ST6GALNAC4: variants seen among roughly 807,000 people sequenced by gnomAD.
ST6GALNAC4 encodes the protein ST6 N-acetylgalactosaminide alpha-2,6-sialyltransferase 4, also known as alpha-N-acetyl-neuraminyl-2,3-beta-galactosyl-1,3-N-acetyl-galactosaminide alpha-2,6-sialyltransferase.
A neutral mutation model predicts 30.4 loss-of-function variants in ST6GALNAC4; 24 were observed. That is an observed-to-expected ratio of 0.79 (90% CI 0.57 to 1.11). The LOEUF is 1.11. Among genes scored for constraint, ST6GALNAC4 ranks in the 50% most tolerant of loss-of-function variants. The pLI is 0.00. For missense variants in ST6GALNAC4, 365 were observed against 430.1 expected, an observed-to-expected ratio of 0.85 and a Z score of 1.34; for synonymous variants, 156 against 179.7, an observed-to-expected ratio of 0.87 and a Z score of 1.05.
rs765180618 is a variant in ST6GALNAC4 at position 127,912,279 on chromosome 9, C to T, written c.600G>A (p.Thr200=). 42 of 1,607,852 alleles carry T rather than the reference C, an allele frequency of 2.6e-5. No homozygotes were observed. The highest frequency in any genetic ancestry group is 3.1e-5 in the Non-Finnish European group (37 of 1,176,052). The change falls in exon 4 of 6, where the codon ACG becomes ACA. Residue 200 remains threonine (T), a synonymous_variant. Transcript: ENST00000335791. ...AYCDQIFQDE[T]GKNRRQSGSF... is the part of the protein sequence containing the mutation. The stretch of plus-strand genomic sequence containing the variant: ...GGCCCCAGGCTCACCGGTTCTTGCC[C>T]GTCTCGTCCTGGAAGATCTGGTCGC...
chr9:127,908,636 C>T (rs1830994369), intron 5 of ST6GALNAC4, 55 bp from the exon 6 acceptor site: 2 of 1,447,184 alleles, frequency 1.4e-6, no homozygotes, highest in Admixed American at 2.2e-5. Context: ...CCTCCGGCCA[C>T]ACCCTGCCGC....
chr9:127,911,305 G>T (rs1831069208), intron 4 of ST6GALNAC4, among the ~76,000 whole-genome samples: 1 of 152,188 alleles, frequency 6.6e-6, no homozygotes, highest in African/African-American at 2.4e-5. Flanking sequence ...CAATTTTCTG[G>T]GGGATACACC....
chr9:127,909,845 G>A, intron 5 of ST6GALNAC4, 106 bp downstream of exon 5: 1 of 1,110,878 alleles, frequency 9.0e-7, no homozygotes, highest in Non-Finnish European at 1.3e-6. Context: ...CCACCATGAA[G>A]CCCACACTCC....
chr9:127,914,187 G>A (rs916649652), intron 3 of ST6GALNAC4, among the ~76,000 whole-genome samples: 4 of 151,944 alleles, frequency 2.6e-5, no homozygotes, highest in African/African-American at 4.8e-5. Flanking sequence ...CTGAGGTTGG[G>A]AGTTCGAGAC....
chr9:127,915,210 C>G (rs967868874), intron 2 of ST6GALNAC4, among the ~76,000 whole-genome samples: 5 of 152,228 alleles, frequency 3.3e-5, no homozygotes, highest in African/African-American at 1.2e-4. Flanking sequence ...CTCTCCATCC[C>G]TCTGGGCCTG....
At chr9:127,908,624 C>A (rs10760511) in intron 5 of ST6GALNAC4, 43 bp from the exon 6 acceptor site, 1,466,105 of 1,482,544 alleles carry the variant, frequency 0.99, 726,213 homozygotes, top group Non-Finnish European at 1. Context: ...AGAACCCACT[C>A]GCCTCCGGCC....
At chr9:127,913,639 CA>C (rs1248780547) in intron 3 of ST6GALNAC4, among the ~76,000 whole-genome samples, 1 of 151,122 alleles carries the variant, frequency 6.6e-6, no homozygotes, top group African/African-American at 2.4e-5. Flanking sequence ...AAAAAGAAAA[CA>C]ACATCTGGCC....
intron 3 of ST6GALNAC4, among the ~76,000 whole-genome samples, chr9:127,914,393 CAAAA>C (rs35168848): frequency 9.9e-6 from 1 of 101,286 alleles, no homozygotes. Context: ...AACTCCATCT[CAAAA>C]AAAAAAAAAA....
At position 127,912,622 on chromosome 9, in the gene ST6GALNAC4, A is replaced by T. The variant is rs781487214; in HGVS notation, c.257T>A (p.Leu86Gln). 8 of 1,604,336 alleles carry T rather than the reference A, an allele frequency of 5.0e-6. No homozygotes were observed. Among genetic ancestry groups the T allele is most frequent in the Non-Finnish European group, 6.8e-6 (8 of 1,178,342 alleles). The change falls in exon 4 of 6, where the codon CTG becomes CAG. Residue 86 changes from leucine to glutamine, a missense_variant. Coordinates refer to ENST00000335791, the MANE Select transcript of ST6GALNAC4 (RefSeq NM_175039.4). ...CAVVSSSGQM[L>Q]GSGLGAEIDS... ...GATCTCAGCACCCAGGCCTGAGCCC[A>T]GCATTTGGCCGGAGCTGGACACCAC...
intron 2 of ST6GALNAC4, among the ~76,000 whole-genome samples, chr9:127,915,492 C>A (rs1331190981): frequency 6.6e-6 from 1 of 152,194 alleles, no homozygotes; most frequent in Admixed American, 6.5e-5. Context: ...GAGCAAAGGT[C>A]ACTCAAGAAA....
intron 2 of ST6GALNAC4, among the ~76,000 whole-genome samples, chr9:127,915,622 G>C (rs1831178971): frequency 6.6e-6 from 1 of 152,214 alleles, no homozygotes; most frequent in Admixed American, 6.5e-5. Context: ...CCTGGGGCTG[G>C]TCCTGCTGGC....
intron 3 of ST6GALNAC4, among the ~76,000 whole-genome samples, chr9:127,914,448 G>A (rs1169820813): frequency 1.7e-5 from 2 of 114,578 alleles, no homozygotes; most frequent in Admixed American, 1.2e-4. Flanking sequence ...CCGAGATCGC[G>A]CCACTGCACT....
At chr9:127,915,474 G>C (rs1831176337) in intron 2 of ST6GALNAC4, among the ~76,000 whole-genome samples, 2 of 152,322 alleles carry the variant, frequency 1.3e-5, no homozygotes, top group Admixed American at 1.3e-4. Context: ...GGTGGCACAA[G>C]GAGATTGGAG....
At position 127,908,372 on chromosome 9, in the gene ST6GALNAC4, GA is replaced by G. The variant is rs754265171; in HGVS notation, c.*19del. ...CCCGGAGGCCTCGCAACGGCATGGC[GA>G]CTGGCAGGACGACGGAAGCTACTCA... On this transcript the variant is annotated 3_prime_UTR_variant, in exon 6 of 6. Transcript: ENST00000335791. 4 of 1,516,738 alleles carry G rather than the reference GA, an allele frequency of 2.6e-6. No homozygotes were observed. The highest frequency in any genetic ancestry group is 3.6e-6 in the Non-Finnish European group (4 of 1,122,514). 94.0% of individuals were successfully genotyped at this position (1,516,738 alleles called of 1,614,324 possible).
At chr9:127,911,560 T>C (rs912267009) in intron 4 of ST6GALNAC4, among the ~76,000 whole-genome samples, 1 of 152,208 alleles carries the variant, frequency 6.6e-6, no homozygotes, top group Non-Finnish European at 1.5e-5. Context: ...CTTGGCTCAC[T>C]GCAACCTCTG....
At chr9:127,916,526 G>A (rs1831198483) in intron 1 of ST6GALNAC4, 32 bp from the exon 2 acceptor site, 1 of 1,379,070 alleles carries the variant, frequency 7.3e-7, no homozygotes, top group African/African-American at 1.4e-5. Context: ...GAGCCGGGAG[G>A]GGTAAGGCAG....
At chr9:127,909,092 AAATAT>A (rs1284609380) in intron 5 of ST6GALNAC4, among the ~76,000 whole-genome samples, 1 of 151,776 alleles carries the variant, frequency 6.6e-6, no homozygotes, top group African/African-American at 2.4e-5. Context: ...CATAATATTG[AAATAT>A]AATAATATAG....
At chr9:127,916,575 G>T in intron 1 of ST6GALNAC4, 81 bp from the exon 2 acceptor site, 1 of 832,980 alleles carries the variant, frequency 1.2e-6, no homozygotes, top group Non-Finnish European at 2.0e-6. Flanking sequence ...AGGCAGGAGA[G>T]GGTACAGGCC....
At chr9:127,909,303 C>T (rs529185245) in intron 5 of ST6GALNAC4, among the ~76,000 whole-genome samples, 4 of 151,246 alleles carry the variant, frequency 2.6e-5, no homozygotes, top group South Asian at 2.1e-4. Context: ...GCAGGAGAAT[C>T]GCTTGAACCC....
Sources: gnomAD v4.1 joint callset for allele counts (sites outside exome capture counted in the v4.1 genomes callset) on GRCh38, gnomAD v4.1.1 for gene constraint, MANE v1.5 for transcripts, NCBI Gene and HGNC (gene_info 2026-07-23, HGNC 2026-07-21) for gene names.